The following GRIN3A variants were observed in gnomAD, a reference collection of about 807,000 sequenced individuals.
The protein encoded by GRIN3A is glutamate receptor ionotropic, NMDA 3A.
GRIN3A carries 47 observed loss-of-function variants against 92.4 expected under a neutral mutation model. The observed-to-expected ratio is 0.51, with a 90% CI of 0.40 to 0.65. The LOEUF is 0.65. Among genes scored for constraint, GRIN3A ranks in the 30% least tolerant of loss-of-function variants. The pLI is 0.00. For missense variants in GRIN3A, 1,324 were observed against 1,393.1 expected (o/e 0.95, Z 0.79); for synonymous variants, 527 against 540.6 (o/e 0.97, Z 0.35).
In GRIN3A at chr9:101,571,390, G is replaced by A. The variant is rs1827758430; in HGVS notation, c.*1784C>T. On this transcript the variant is annotated 3_prime_UTR_variant, in exon 9 of 9. Coordinates refer to ENST00000361820, the MANE Select transcript of GRIN3A (RefSeq NM_133445.3). ...GGTGGAAATGCAGACATTTCATCCA[G>A]TAGTAGAGGGAGAAGTTTTGTGACT... 6.6e-6 allele frequency: 1 copy of A among 152,180 alleles called. No homozygotes were observed. The highest frequency in any genetic ancestry group is 2.4e-5 in the African/African-American group (1 of 41,428). 9.4% of individuals were successfully genotyped at this position (152,180 alleles called of 1,614,324 possible).
At chr9:101,591,922 T>A (rs945388103) in intron 6 of GRIN3A, 1 of 152,200 alleles carries the variant, frequency 6.6e-6, no homozygotes, top group Non-Finnish European at 1.5e-5. Context: ...GAGCATGTAA[T>A]CCAATATGTT....
At chr9:101,632,603 T>C (rs1230489823) in intron 3 of GRIN3A, among the ~76,000 whole-genome samples, 1 of 152,332 alleles carries the variant, frequency 6.6e-6, no homozygotes, top group East Asian at 1.9e-4. Flanking sequence ...AAACTAATTT[T>C]TTCCTTTGTT....
chr9:101,715,200 T>TAAA (rs5899459), intron 1 of GRIN3A, among the ~76,000 whole-genome samples: 1,407 of 127,604 alleles, frequency 0.011, 22 homozygotes, highest in African/African-American at 0.035. Context: ...ACAAAAATGG[T>TAAA]AAAAAAAAAA....
At chr9:101,618,555 T>C (rs1430465286) in intron 5 of GRIN3A, among the ~76,000 whole-genome samples, 1 of 152,154 alleles carries the variant, frequency 6.6e-6, no homozygotes, top group Non-Finnish European at 1.5e-5. Flanking sequence ...CAACAGGTGC[T>C]GGAGAGGATG....
chr9:101,647,645 A>G (rs1381916222), intron 3 of GRIN3A, among the ~76,000 whole-genome samples: 1 of 151,590 alleles, frequency 6.6e-6, no homozygotes, highest in East Asian at 2.0e-4. Context: ...TTGATGGGAG[A>G]CTTTTTGTTA....
At chr9:101,669,613 A>G in intron 3 of GRIN3A, among the ~76,000 whole-genome samples, 1 of 152,104 alleles carries the variant, frequency 6.6e-6, no homozygotes, top group East Asian at 1.9e-4. Context: ...TTTCCATTGT[A>G]TCACTTTTTA....
At chr9:101,673,270 G>A (rs1003518592) in intron 2 of GRIN3A, among the ~76,000 whole-genome samples, 6 of 152,078 alleles carry the variant, frequency 3.9e-5, no homozygotes, top group African/African-American at 1.4e-4. Context: ...ACACAACTCT[G>A]TCATTCCAGT....
chr9:101,598,950 A>G (rs934136439), intron 6 of GRIN3A, among the ~76,000 whole-genome samples: 2 of 152,172 alleles, frequency 1.3e-5, no homozygotes, highest in Non-Finnish European at 2.9e-5. Context: ...ATTCCTTGAT[A>G]GTCATTTAGA....
chr9:101,683,439 ACTTAC>A (rs1310899493), intron 2 of GRIN3A, among the ~76,000 whole-genome samples: 2 of 152,354 alleles, frequency 1.3e-5, no homozygotes, highest in East Asian at 3.9e-4. Context: ...ACTGAGAATA[ACTTAC>A]TTTCTGAAAG....
rs184401905 is a variant in GRIN3A, at chr9:101,569,394, G to A, written c.*3780C>T. The A allele has an allele frequency of 3.9e-5, 6 of 152,294 alleles. No individual in the cohort carries two copies. In the East Asian group the frequency reaches 1.2e-3, roughly 29 times the overall value. The allele number at this position is 152,294 out of a possible 1,614,324, so 9.4% of individuals were successfully genotyped here. On this transcript the variant is annotated 3_prime_UTR_variant, in exon 9 of 9. Coordinates refer to ENST00000361820, the MANE Select transcript of GRIN3A (RefSeq NM_133445.3). ...CATTTATTCCACAGTCATAGAAACT[G>A]AAGATGGAAAAGACCTGAGGACATC...
intron 3 of GRIN3A, among the ~76,000 whole-genome samples, chr9:101,662,819 A>G (rs1251255933): frequency 2.0e-5 from 3 of 151,706 alleles, no homozygotes; most frequent in South Asian, 2.1e-4. Flanking sequence ...TTTTAACCCA[A>G]TTTTTATAGA....
At chr9:101,658,194 A>C (rs1461350047) in intron 3 of GRIN3A, among the ~76,000 whole-genome samples, 1 of 152,014 alleles carries the variant, frequency 6.6e-6, no homozygotes, top group African/African-American at 2.4e-5. Flanking sequence ...CTTTTAGCCC[A>C]ATTTCCTCAT....
At chr9:101,616,533 A>G (rs1828455900) in intron 5 of GRIN3A, among the ~76,000 whole-genome samples, 1 of 152,080 alleles carries the variant, frequency 6.6e-6, no homozygotes, top group African/African-American at 2.4e-5. Context: ...AAATAATGTT[A>G]TTAGAAAAAA....
rs112582297 is a variant in GRIN3A at position 101,737,677 on chromosome 9, G to A, written c.303C>T (p.Thr101=). 22 of 1,583,564 alleles carry A rather than the reference G, an allele frequency of 1.4e-5. No homozygotes were observed. Among genetic ancestry groups the A allele is most frequent in the South Asian group, 2.3e-5 (2 of 88,790 alleles). The change falls in exon 1 of 9, where the codon ACC becomes ACT. Residue 101 remains threonine (T), a synonymous_variant. Transcript: ENST00000361820. The stretch of plus-strand genomic sequence containing the variant: ...AGCCCGGCGGCCCCCGGCCATGCAG[G>A]GTGCTCCCCAACCAGCGTGCGCCCG... The part of the protein sequence containing the change: ...PSPGARWLGS[T]LHGRGPPGSR...
chr9:101,703,876 C>G (rs566770339), intron 1 of GRIN3A, among the ~76,000 whole-genome samples: 21 of 152,178 alleles, frequency 1.4e-4, no homozygotes, highest in Non-Finnish European at 2.4e-4. Context: ...CAATCCCAGT[C>G]TGATACTCCC....
intron 6 of GRIN3A, chr9:101,594,896 G>T: frequency 6.2e-7 from 1 of 1,600,214 alleles, no homozygotes; most frequent in Non-Finnish European, 8.5e-7. Flanking sequence ...GCACATCTCC[G>T]CCGGGTAACT....
chr9:101,604,800 C>A lies in GRIN3A; in HGVS notation c.2766+8576G>T, dbSNP rs543060510. The stretch of plus-strand genomic sequence containing the variant: ...TTAAAGATAAACTGGTCAGAAAAAA[C>A]TGACTGGCATTGAAGCTTCTCAATG... On this transcript the variant is annotated intron_variant, in intron 6 of 8. Transcript: ENST00000361820. 4.0e-5 allele frequency among the ~76,000 whole-genome samples: 6 copies of A among 151,546 alleles called. No homozygotes were observed. The South Asian group carries it at 1.3e-3, about 32-fold the overall frequency.
At chr9:101,644,842 G>T (rs1828915960) in intron 3 of GRIN3A, among the ~76,000 whole-genome samples, 2 of 151,750 alleles carry the variant, frequency 1.3e-5, no homozygotes, top group Non-Finnish European at 2.9e-5. Context: ...GGCAGAGCTT[G>T]TTATTTAGAT....
chr9:101,594,229 C>T, intron 6 of GRIN3A: 1 of 758,224 alleles, frequency 1.3e-6, no homozygotes, highest in Non-Finnish European at 2.1e-6. Context: ...TACCCTGAGT[C>T]ATTCAGAGAA....
Sources: allele counts gnomAD v4.1 joint callset (sites outside exome capture counted in the v4.1 genomes callset), GRCh38; gene constraint gnomAD v4.1.1; transcripts MANE v1.5; gene names NCBI Gene and HGNC (gene_info 2026-07-23, HGNC 2026-07-21).